LMBR1: variants seen among roughly 807,000 people sequenced by gnomAD.
LMBR1 encodes the protein limb development membrane protein 1, also known as limb region 1 protein homolog.
Under a neutral mutation model 73.9 loss-of-function variants are expected in LMBR1, and 52 were observed. That is an observed-to-expected ratio of 0.70 (90% CI 0.56 to 0.89). The LOEUF (loss-of-function observed/expected upper bound fraction) is 0.89. LMBR1 is among the 40% of genes least tolerant of loss of function. The pLI is 0.00. For synonymous variants in LMBR1, 215 were observed against 209.4 expected (o/e 1.03, Z -0.23); for missense variants, 539 against 579.8 (o/e 0.93, Z 0.72).
At chr7:156,760,382 T>G (rs371235777) in intron 8 of LMBR1, among the ~76,000 whole-genome samples, 1 of 152,212 alleles carries the variant, frequency 6.6e-6, no homozygotes, top group Non-Finnish European at 1.5e-5. Flanking sequence ...GCACTTAAAA[T>G]GTACTGGAAT....
intron 1 of LMBR1, among the ~76,000 whole-genome samples, chr7:156,841,874 A>T (rs12674070): frequency 0.36 from 54,029 of 151,806 alleles, 9,922 homozygotes; most frequent in East Asian, 0.57. Flanking sequence ...GTGTTTTTTT[A>T]AAAAATGAAA....
chr7:156,773,571 A>G (rs1029523530), intron 5 of LMBR1, among the ~76,000 whole-genome samples: 2 of 152,222 alleles, frequency 1.3e-5, no homozygotes, highest in African/African-American at 4.8e-5. Context: ...CTGAACGTCA[A>G]CAAAGTCGAC....
At chr7:156,873,427 A>T (rs1051454510) in intron 1 of LMBR1, among the ~76,000 whole-genome samples, 1 of 152,118 alleles carries the variant, frequency 6.6e-6, no homozygotes, top group Non-Finnish European at 1.5e-5. Flanking sequence ...TATTGCAAAG[A>T]GCGAAAGAAC....
chr7:156,797,897 A>G (rs1830318277), intron 4 of LMBR1, among the ~76,000 whole-genome samples: 1 of 152,230 alleles, frequency 6.6e-6, no homozygotes, highest in African/African-American at 2.4e-5. Flanking sequence ...TTTTAGTGGA[A>G]AAACTGCAAT....
At chr7:156,864,583 T>A (rs941318359) in intron 1 of LMBR1, among the ~76,000 whole-genome samples, 1 of 152,220 alleles carries the variant, frequency 6.6e-6, no homozygotes, top group South Asian at 2.1e-4. Context: ...TTCATATACC[T>A]CTATATACTT....
In LMBR1 at chr7:156,893,126, G is replaced by T. The variant is rs1028275776; in HGVS notation, c.-133C>A. ...GGGCCCGCGAGCCGTGTTGGAACAGGTACCGCGACCACGACACCGGCCGTC... is the reference window on the plus strand; with the variant it reads ...GGGCCCGCGAGCCGTGTTGGAACAGTTACCGCGACCACGACACCGGCCGTC... On this transcript the variant is annotated 5_prime_UTR_variant, in exon 1 of 17. Coordinates refer to ENST00000353442, the MANE Select transcript of LMBR1 (RefSeq NM_022458.4). 3 of 855,770 alleles carry T rather than the reference G, an allele frequency of 3.5e-6. No individual in the cohort carries two copies. The highest frequency in any genetic ancestry group is 1.8e-5 in the African/African-American group (1 of 55,752). 53.0% of individuals were successfully genotyped at this position (855,770 alleles called of 1,614,324 possible).
chr7:156,734,645 G>GAATATTAAA (rs1817516516), intron 9 of LMBR1, among the ~76,000 whole-genome samples: 2 of 152,080 alleles, frequency 1.3e-5, no homozygotes, highest in African/African-American at 4.8e-5. Flanking sequence ...ATTGAAATAA[G>GAATATTAAA]AATATTAAAA....
chr7:156,713,372 C>A (rs1812502360), intron 15 of LMBR1, among the ~76,000 whole-genome samples: 1 of 151,574 alleles, frequency 6.6e-6, no homozygotes, highest in Non-Finnish European at 1.5e-5. Context: ...CAGGAATGAA[C>A]CCTAACGTAA....
At chr7:156,775,134 C>T (rs539251238) in intron 5 of LMBR1, among the ~76,000 whole-genome samples, 5 of 151,968 alleles carry the variant, frequency 3.3e-5, no homozygotes, top group African/African-American at 9.7e-5. Context: ...CTGGGAAGCC[C>T]GGGTGGGCAG....
downstream of LMBR1, chr7:156,676,523 C>G (rs1804081868): frequency 6.2e-7 from 1 of 1,614,146 alleles, no homozygotes; most frequent in Non-Finnish European, 8.5e-7. Context: ...AGATGGCCCT[C>G]CTGTCCTGCT....
At chr7:156,836,094 C>T (rs111624458) in intron 2 of LMBR1, among the ~76,000 whole-genome samples, 3,163 of 152,290 alleles carry the variant, frequency 0.021, 95 homozygotes, top group African/African-American at 0.072. Context: ...CTAGAGCAGG[C>T]ACTATAACCT....
rs190934788 is a variant in LMBR1, at chr7:156,756,578, T to C, written c.685-113A>G. 4.1e-4 allele frequency: 255 copies of C among 621,366 alleles called. 1 individual carries two copies. Among genetic ancestry groups the C allele is most frequent in the Non-Finnish European group, 3.1e-5 (11 of 353,830 alleles). The allele number at this position is 621,366 out of a possible 1,614,324, so 38.5% of individuals were successfully genotyped here. On this transcript the variant is annotated intron_variant, in intron 8 of 16. Transcript: ENST00000353442. ...TAGGTAACGTATTCATTCAAATTTCTAAGAACACAAAACAAAAAAACTCCA... is the reference window on the plus strand; with the variant it reads ...TAGGTAACGTATTCATTCAAATTTCCAAGAACACAAAACAAAAAAACTCCA...
intron 1 of LMBR1, among the ~76,000 whole-genome samples, chr7:156,878,884 A>G (rs1800625891): frequency 6.6e-6 from 1 of 152,206 alleles, no homozygotes; most frequent in Admixed American, 6.5e-5. Flanking sequence ...AGAATGGAGA[A>G]CCCAGAAATA....
At chr7:156,706,393 G>T (rs1810948027) in intron 15 of LMBR1, among the ~76,000 whole-genome samples, 1 of 152,228 alleles carries the variant, frequency 6.6e-6, no homozygotes, top group East Asian at 1.9e-4. Context: ...TGTACTTGGT[G>T]CAACGGACCT....
At chr7:156,788,301 AAT>A in intron 5 of LMBR1, among the ~76,000 whole-genome samples, 1 of 152,292 alleles carries the variant, frequency 6.6e-6, no homozygotes, top group East Asian at 1.9e-4. Context: ...TGATCAGCCA[AAT>A]ACAGGATCTA....
chr7:156,868,425 C>A (rs1798787639), intron 1 of LMBR1, among the ~76,000 whole-genome samples: 1 of 152,044 alleles, frequency 6.6e-6, no homozygotes, highest in South Asian at 2.1e-4. Context: ...CCTGTTATCC[C>A]AGCACTTTGG....
At chr7:156,767,330 T>A (rs985345512) in intron 5 of LMBR1, among the ~76,000 whole-genome samples, 5 of 152,112 alleles carry the variant, frequency 3.3e-5, no homozygotes, top group African/African-American at 1.2e-4. Flanking sequence ...AAATTTTTTC[T>A]AAATAAAGAG....
intron 15 of LMBR1, among the ~76,000 whole-genome samples, chr7:156,689,099 G>C (rs1806597312): frequency 6.6e-6 from 1 of 152,024 alleles, no homozygotes; most frequent in Admixed American, 6.5e-5. Flanking sequence ...AGTTTAAATA[G>C]TCATTCTATT....
rs369689933 is a variant in LMBR1 at position 156,698,495 on chromosome 7, ATCT to A, written c.1226-10307_1226-10305del. On this transcript the variant is annotated intron_variant, in intron 15 of 16. Coordinates refer to ENST00000353442, the MANE Select transcript of LMBR1 (RefSeq NM_022458.4). ...CCTGGGAACCCAGGTGTTTCCATACATCTTCTGAAATCTAGGTGGAGGTTCCCA... is the reference window on the plus strand; with the variant it reads ...CCTGGGAACCCAGGTGTTTCCATACATCTGAAATCTAGGTGGAGGTTCCCA... Among the ~76,000 whole-genome samples the A allele has an allele frequency of 6.2e-3, 938 of 152,288 alleles. 9 individuals are homozygous for A. Among genetic ancestry groups the A allele is most frequent in the African/African-American group, 0.021 (893 of 41,556 alleles).
Sources: gnomAD v4.1 joint callset for allele counts (sites outside exome capture counted in the v4.1 genomes callset) on GRCh38, gnomAD v4.1.1 for gene constraint, MANE v1.5 for transcripts, NCBI Gene and HGNC (gene_info 2026-07-23, HGNC 2026-07-21) for gene names.